Variants in ZNF684 observed in about 807,000 individuals in gnomAD.
The protein encoded by ZNF684 is hypothetical protein MGC27466.
In ZNF684, 13 loss-of-function variants were observed where a neutral mutation model predicts 12.8. That is an observed-to-expected ratio of 1.02 (90% CI 0.66 to 1.62). ZNF684 has a LOEUF of 1.62. Ranked by LOEUF, ZNF684 falls within the 40% of genes most tolerant of loss-of-function variation. ZNF684 has a pLI of 0.00. For synonymous variants in ZNF684, 118 were observed against 151.8 expected (o/e 0.78, Z 1.64); for missense variants, 384 against 446.9 (o/e 0.86, Z 1.27).
intron 1 of ZNF684, 29 bp from the exon 2 acceptor site, chr1:40,533,114 T>C: frequency 1.9e-6 from 3 of 1,599,788 alleles, no homozygotes; most frequent in Non-Finnish European, 2.6e-6. Flanking sequence ...CAGGTCTTTC[T>C]ATTCTCTTCC....
intron 2 of ZNF684, among the ~76,000 whole-genome samples, chr1:40,539,160 G>A (rs1646000979): frequency 6.6e-6 from 1 of 151,962 alleles, no homozygotes. Context: ...CTCCTGAGTA[G>A]CTGAGACTAC....
At chr1:40,540,744 A>T in intron 3 of ZNF684, 32 bp downstream of exon 3, 1 of 1,564,194 alleles carries the variant, frequency 6.4e-7, no homozygotes, top group Admixed American at 1.9e-5. Context: ...TTTTCAGTGT[A>T]ATTCAGTGTA....
chr1:40,546,492 T>C, intron 4 of ZNF684, 70 bp from the exon 5 acceptor site: 2 of 1,395,100 alleles, frequency 1.4e-6, no homozygotes, highest in Middle Eastern at 2.0e-4. Context: ...TTTGAAATTA[T>C]AGACGTTTTT....
intron 2 of ZNF684, among the ~76,000 whole-genome samples, chr1:40,535,127 C>T (rs553537453): frequency 8.5e-5 from 13 of 152,320 alleles, no homozygotes; most frequent in Non-Finnish European, 1.3e-4. Flanking sequence ...TTTATCTCTT[C>T]CTGCCCAATA....
At chr1:40,533,455 A>G (rs1043326339) in intron 2 of ZNF684, among the ~76,000 whole-genome samples, 2 of 152,224 alleles carry the variant, frequency 1.3e-5, no homozygotes, top group Non-Finnish European at 2.9e-5. Context: ...ATAAAGCAAA[A>G]TTATTCTCCT....
chr1:40,546,950 T>A lies in ZNF684; in HGVS notation c.627T>A (p.His209Gln), dbSNP rs1451002232. 3 of 1,614,176 alleles carry A rather than the reference T, an allele frequency of 1.9e-6. No individual in the cohort carries two copies. The South Asian group carries it at 3.3e-5, about 18-fold the overall frequency. ...KAHLATHQKI[H>Q]NGERPFVCND... ...ACCTTGCAACTCATCAGAAAATTCA[T>A]AATGGAGAGAGACCCTTTGTGTGCA... Residue 209 changes from histidine (H) to glutamine (Q), a missense_variant, in exon 5 of 5, where the codon CAT becomes CAA. Physicochemically the swap from His to Gln is conservative, Grantham distance 24. Coordinates refer to ENST00000372699, the MANE Select transcript of ZNF684 (RefSeq NM_152373.4).
intron 4 of ZNF684, among the ~76,000 whole-genome samples, chr1:40,542,039 T>G (rs1372809361): frequency 6.6e-6 from 1 of 152,194 alleles, no homozygotes; most frequent in African/African-American, 2.4e-5. Flanking sequence ...CATCGATCTT[T>G]TTCTATATAC....
intron 1 of ZNF684, among the ~76,000 whole-genome samples, chr1:40,532,781 T>G (rs1288718237): frequency 6.6e-6 from 1 of 152,180 alleles, no homozygotes; most frequent in Non-Finnish European, 1.5e-5. Context: ...TTTTTAGACT[T>G]ACGGAGCTTC....
intron 2 of ZNF684, among the ~76,000 whole-genome samples, chr1:40,538,468 A>G (rs551727998): frequency 2.0e-4 from 31 of 152,310 alleles, no homozygotes; most frequent in African/African-American, 7.2e-4. Context: ...TACTATGAAC[A>G]TTTGTCTGTG....
intron 2 of ZNF684, among the ~76,000 whole-genome samples, chr1:40,533,964 C>T (rs1157609606): frequency 5.9e-5 from 9 of 151,682 alleles, no homozygotes; most frequent in Admixed American, 5.3e-4. Context: ...GCTTGGATTA[C>T]AGGCATGTGC....
chr1:40,541,735 G>A (rs1368937118), intron 4 of ZNF684, 25 bp downstream of exon 4: 1 of 1,588,404 alleles, frequency 6.3e-7, no homozygotes, highest in East Asian at 2.2e-5. Flanking sequence ...TTCAGATGGG[G>A]CTGTGTGGAG....
chr1:40,541,563 G>C, intron 3 of ZNF684, 52 bp from the exon 4 acceptor site: 2 of 1,466,246 alleles, frequency 1.4e-6, no homozygotes, highest in East Asian at 2.3e-5. Context: ...TTGTGAGCTG[G>C]TTGTTTGCCT....
At chr1:40,535,251 C>G (rs978330063) in intron 2 of ZNF684, among the ~76,000 whole-genome samples, 1 of 152,186 alleles carries the variant, frequency 6.6e-6, no homozygotes, top group Non-Finnish European at 1.5e-5. Flanking sequence ...GGTTGCAGAA[C>G]TCCTGCAGAT....
chr1:40,536,395 C>CA (rs1166958237), intron 2 of ZNF684, among the ~76,000 whole-genome samples: 891 of 51,874 alleles, frequency 0.017, 11 homozygotes, highest in African/African-American at 0.051. Context: ...CTCCGTCTCA[C>CA]AAAAAAAAAA....
chr1:40,543,619 G>A (rs1190811366), intron 4 of ZNF684, among the ~76,000 whole-genome samples: 3 of 152,000 alleles, frequency 2.0e-5, no homozygotes, highest in Non-Finnish European at 4.4e-5. Context: ...ACCACACCCA[G>A]CTAATTTTTG....
intron 2 of ZNF684, among the ~76,000 whole-genome samples, chr1:40,539,861 TATATATAG>T (rs991054441): frequency 3.3e-5 from 5 of 151,992 alleles, no homozygotes; most frequent in African/African-American, 7.2e-5. Context: ...TGTCTATATC[TATATATAG>T]ATATATAGAT....
chr1:40,533,318 G>T, intron 2 of ZNF684, 137 bp downstream of exon 2: 1 of 869,228 alleles, frequency 1.2e-6, no homozygotes, highest in Non-Finnish European at 1.8e-6. Flanking sequence ...TTGGTAAGTT[G>T]ATATTCAAGT....
Position 40,547,577 on chromosome 1 carries a change from A to G in ZNF684, c.*117A>G, listed in dbSNP as rs895626406. On this transcript the variant is annotated 3_prime_UTR_variant, in exon 5 of 5. Transcript: ENST00000372699. ...AATGAATTTGGAAGAGTAGATTCCC[A>G]TAAAAAACAACCAATGCCAATCATG... 5 of 973,374 alleles carry G rather than the reference A, an allele frequency of 5.1e-6. No individual in the cohort carries two copies. The highest frequency in any genetic ancestry group is 3.2e-5 in the Admixed American group (1 of 30,988). 60.3% of individuals were successfully genotyped at this position (973,374 alleles called of 1,614,324 possible).
intron 2 of ZNF684, among the ~76,000 whole-genome samples, chr1:40,540,367 T>C (rs1448112161): frequency 6.6e-6 from 1 of 152,204 alleles, no homozygotes; most frequent in African/African-American, 2.4e-5. Context: ...AAAAGACTTT[T>C]TTTTCCCCTG....
Sources: allele counts gnomAD v4.1 joint callset (sites outside exome capture counted in the v4.1 genomes callset), GRCh38; gene constraint gnomAD v4.1.1; transcripts MANE v1.5; gene names NCBI Gene and HGNC (gene_info 2026-07-23, HGNC 2026-07-21).